LRRC41: variants seen among roughly 807,000 people sequenced by gnomAD.
LRRC41 encodes leucine-rich repeat-containing protein 41.
Under a neutral mutation model 72.1 loss-of-function variants are expected in LRRC41, and 17 were observed. That is an observed-to-expected ratio of 0.24 (90% confidence interval 0.16 to 0.35). The LOEUF (loss-of-function observed/expected upper bound fraction) is 0.35. Ranked by LOEUF, LRRC41 falls within the 10% of genes least tolerant of loss-of-function variation. The pLI is 1.00. For synonymous variants in LRRC41, 427 were observed against 431.0 expected, an observed-to-expected ratio of 0.99 and a Z score of 0.11; for missense variants, 759 against 1,065.0, an observed-to-expected ratio of 0.71 and a Z score of 4.00.
chr1:46,277,925 G>T lies in LRRC41; in HGVS notation c.*940C>A. 1 of 1,614,128 alleles carries T rather than the reference G, an allele frequency of 6.2e-7. No individual in the cohort carries two copies. Among genetic ancestry groups the T allele is most frequent in the South Asian group, 1.1e-5 (1 of 91,078 alleles). On this transcript the variant is annotated 3_prime_UTR_variant, in exon 10 of 10. Transcript: ENST00000617190. ...TGTAGAGCGCCACTTCTCTCTGGGC[G>T]AGTTGAAGGAGCTGTTTATCCTGGA...
intron 5 of LRRC41, 33 bp downstream of exon 5, chr1:46,281,092 T>C (rs951398305): frequency 1.2e-6 from 2 of 1,609,342 alleles, no homozygotes; most frequent in Non-Finnish European, 1.7e-6. Flanking sequence ...TACACGTGCG[T>C]GCACACACAC....
chr1:46,290,920 T>TG (rs1204458334), intron 3 of LRRC41, among the ~76,000 whole-genome samples: 1,407 of 107,624 alleles, frequency 0.013, 21 homozygotes, highest in South Asian at 0.028. Flanking sequence ...TTTCTAGTTT[T>TG]TTTTTTTTTT....
intron 4 of LRRC41, 102 bp from the exon 5 acceptor site, chr1:46,281,487 TG>T (rs2148313034): frequency 8.5e-7 from 1 of 1,174,160 alleles, no homozygotes; most frequent in East Asian, 2.5e-5. Context: ...GCAAATCTCT[TG>T]GGCTTTGGCT....
At chr1:46,289,079 CAG>C (rs1327974035) in intron 3 of LRRC41, among the ~76,000 whole-genome samples, 2 of 152,080 alleles carry the variant, frequency 1.3e-5, no homozygotes, top group Non-Finnish European at 2.9e-5. Context: ...ATAAGAGGCA[CAG>C]GGGAAATATA....
At chr1:46,287,404 G>A (rs1660908238) in intron 3 of LRRC41, among the ~76,000 whole-genome samples, 1 of 152,128 alleles carries the variant, frequency 6.6e-6, no homozygotes, top group Admixed American at 6.5e-5. Flanking sequence ...CACCACGCCT[G>A]GCCTCCAACT....
In LRRC41 at chr1:46,302,125, G is replaced by T; in HGVS notation, c.199+999C>A. The T allele has an allele frequency of 1.0e-6, 1 of 985,092 alleles. No homozygotes were observed. The highest frequency in any genetic ancestry group is 1.2e-6 in the Non-Finnish European group (1 of 829,816). The allele number at this position is 985,092 out of a possible 1,614,324, so 61.0% of individuals were successfully genotyped here. ...CCCGGCCGTTCATCCCGGCGCCCCA[G>T]GCCGCCCTCCATCCAGGCCCGGCCC... On this transcript the variant is annotated intron_variant, in intron 1 of 9. Transcript: ENST00000617190. The surrounding 1 kb of genome is among the most constrained non-coding windows in gnomAD (Gnocchi z 4.7).
intron 1 of LRRC41, 57 bp downstream of exon 1, chr1:46,303,067 G>C (rs1046984349): frequency 4.8e-5 from 62 of 1,291,332 alleles, no homozygotes; most frequent in Non-Finnish European, 5.4e-5. Context: ...CGCGCCCCCC[G>C]GCCGCTGGGC....
At position 46,278,586 on chromosome 1, in the gene LRRC41, G is replaced by C; in HGVS notation, c.*279C>G. On this transcript the variant is annotated 3_prime_UTR_variant, in exon 10 of 10. Transcript: ENST00000617190. ...GCAGGAACCCAGGGGCAGGGGAGGG[G>C]ATCTCTTCAGCAATTATGATGACCA... 3.3e-6 allele frequency: 2 copies of C among 607,120 alleles called. No individual in the cohort carries two copies. Among genetic ancestry groups the C allele is most frequent in the Non-Finnish European group, 5.8e-6 (2 of 345,302 alleles). 37.6% of individuals were successfully genotyped at this position (607,120 alleles called of 1,614,324 possible).
At position 46,279,568 on chromosome 1, in the gene LRRC41, T is replaced by G; in HGVS notation, c.2067A>C (p.Gln689His). Residue 689 changes from glutamine to histidine, a missense_variant, in exon 8 of 10, where the codon CAA becomes CAC. Physicochemically the swap from Gln to His is conservative, Grantham distance 24. Coordinates refer to ENST00000617190, the MANE Select transcript of LRRC41 (RefSeq NM_006369.5). The surrounding 1 kb of genome is among the most constrained non-coding windows in gnomAD (Gnocchi z 4.5). ...TAGCAGCAACCATCTCAGGCAGAAA[T>G]TGGGCTGGGCGCTTCTCAAACAGAC... ...FCRLFEKRPA[Q>H]FLPEMVAAMK... 6.2e-7 allele frequency: 1 copy of G among 1,614,108 alleles called. No homozygotes were observed. Among genetic ancestry groups the G allele is most frequent in the Non-Finnish European group, 8.5e-7 (1 of 1,180,006 alleles).
intron 3 of LRRC41, among the ~76,000 whole-genome samples, chr1:46,289,168 A>G (rs1351778447): frequency 1.3e-5 from 2 of 152,208 alleles, no homozygotes; most frequent in Non-Finnish European, 2.9e-5. Flanking sequence ...AATATTTGGA[A>G]CACCCCAGAC....
chr1:46,290,055 TATATTTTGTTC>T (rs1660975065), intron 3 of LRRC41, among the ~76,000 whole-genome samples: 1 of 152,170 alleles, frequency 6.6e-6, no homozygotes, highest in Non-Finnish European at 1.5e-5. Context: ...ATTCAGAAAC[TATATTTTGTTC>T]ATTATTTTGC....
At chr1:46,291,024 A>T (rs909768842) in intron 3 of LRRC41, among the ~76,000 whole-genome samples, 7 of 145,022 alleles carry the variant, frequency 4.8e-5, no homozygotes, top group Non-Finnish European at 1.0e-4. Context: ...TCCCAGGTTC[A>T]AGCTATTCTC....
At position 46,277,551 on chromosome 1, in the gene LRRC41, A is replaced by T; in HGVS notation, c.*1314T>A. ...AGCTGCAGCAGACAAACCTCAGTTC[A>T]CCCTGACGGGATTTAGCCAGGCCCT... On this transcript the variant is annotated 3_prime_UTR_variant, in exon 10 of 10. Transcript: ENST00000617190. 2 of 514,926 alleles carry T rather than the reference A, an allele frequency of 3.9e-6. No homozygotes were observed. The highest frequency in any genetic ancestry group is 4.2e-5 in the South Asian group (2 of 47,750). 31.9% of individuals were successfully genotyped at this position (514,926 alleles called of 1,614,324 possible). A position where few individuals can be genotyped will look rare whatever the true frequency, so the allele number is the denominator to read the frequency against.
chr1:46,299,539 C>T (rs140528737), intron 1 of LRRC41: 1 of 152,136 alleles, frequency 6.6e-6, no homozygotes, highest in African/African-American at 2.4e-5. Flanking sequence ...GTGCTTAGAC[C>T]ACTGCACTCC....
Position 46,277,905 on chromosome 1 carries a change from A to AGC in LRRC41, c.*958_*959dup. 1.2e-6 allele frequency: 2 copies of AGC among 1,614,130 alleles called. No homozygotes were observed. Among genetic ancestry groups the AGC allele is most frequent in the Admixed American group, 3.3e-5 (2 of 60,018 alleles). On this transcript the variant is annotated 3_prime_UTR_variant, in exon 10 of 10. Coordinates refer to ENST00000617190, the MANE Select transcript of LRRC41 (RefSeq NM_006369.5). ...GTGGTGGATGAGGAGCAGGATGTAG[A>AGC]GCGCCACTTCTCTCTGGGCGAGTTG...
At position 46,279,475 on chromosome 1, in the gene LRRC41, C is replaced by G. The variant is rs1225564952; in HGVS notation, c.2143+17G>C. The G allele has an allele frequency of 3.0e-5, 49 of 1,614,094 alleles. No homozygotes were observed. The highest frequency in any genetic ancestry group is 4.0e-5 in the Non-Finnish European group (47 of 1,180,058). On this transcript the variant is annotated intron_variant, in intron 8 of 9. Coordinates refer to ENST00000617190, the MANE Select transcript of LRRC41 (RefSeq NM_006369.5). This position sits in a 1 kb window ranked among gnomAD's most constrained non-coding sequence, Gnocchi z 4.5. ...CTAGCTCCTTTCCCCTCTCCCTCCC[C>G]AGGGTCTGGCCCCCACCCAGGCGGT...
At position 46,279,286 on chromosome 1, in the gene LRRC41, C is replaced by T. The variant is rs763398568; in HGVS notation, c.2144-29G>A. ...GAGAGAAGGGGAGAACGCCTATCAC[C>T]TCCACCCAAGAACAGGGGACAAGGG... On this transcript the variant is annotated intron_variant, in intron 8 of 9. Coordinates refer to ENST00000617190, the MANE Select transcript of LRRC41 (RefSeq NM_006369.5). This position sits in a 1 kb window ranked among gnomAD's most constrained non-coding sequence, Gnocchi z 4.5. 1.9e-6 allele frequency: 3 copies of T among 1,611,406 alleles called. No homozygotes were observed. Among genetic ancestry groups the T allele is most frequent in the Middle Eastern group, 1.7e-4 (1 of 6,056 alleles).
chr1:46,285,983 C>G lies in LRRC41; in HGVS notation c.874G>C (p.Asp292His). ...GCTGCAGCACATCGCTCAGCAGCAT[C>G]CCGGCGGGGCCGACGTGAGCCCAAT... is the stretch of plus-strand genomic sequence containing the variant. ...LLLGSRRPRR[D>H]AAERCAAALM... is the part of the protein sequence containing the mutation. The change falls in exon 4 of 10, where the codon GAT (aspartate) becomes CAT (histidine). Residue 292 changes from aspartate (D) to histidine (H), a missense_variant. By Grantham distance (81) the Asp-to-His change is moderately conservative. This residue lies in a region of LRRC41 where 427 missense variants were observed against 520.9 expected (regional missense o/e 0.82). Coordinates refer to ENST00000617190, the MANE Select transcript of LRRC41 (RefSeq NM_006369.5). This position sits in a 1 kb window ranked among gnomAD's most constrained non-coding sequence, Gnocchi z 5.3. 3 of 1,544,076 alleles carry G rather than the reference C, an allele frequency of 1.9e-6. No homozygotes were observed. Among genetic ancestry groups the G allele is most frequent in the Non-Finnish European group, 2.6e-6 (3 of 1,145,256 alleles).
At position 46,302,083 on chromosome 1, in the gene LRRC41, C is replaced by G. The variant is rs1426288415; in HGVS notation, c.199+1041G>C. 2.0e-6 allele frequency: 2 copies of G among 985,240 alleles called. No individual in the cohort carries two copies. Among genetic ancestry groups the G allele is most frequent in the Non-Finnish European group, 1.2e-6 (1 of 829,880 alleles). 61.0% of individuals were successfully genotyped at this position (985,240 alleles called of 1,614,324 possible). ...CCCACAGCCCCGCCTCCCAGCCCAA[C>G]TGGCCGGTTCGCCCTCCCCGGCCGT... On this transcript the variant is annotated intron_variant, in intron 1 of 9. Transcript: ENST00000617190. This position sits in a 1 kb window ranked among gnomAD's most constrained non-coding sequence, Gnocchi z 4.7.
Sources: allele counts gnomAD v4.1 joint callset (sites outside exome capture counted in the v4.1 genomes callset), GRCh38; gene constraint gnomAD v4.1.1; regional missense constraint gnomAD v4.1.1; non-coding constraint Gnocchi (gnomAD v3.1); transcripts MANE v1.5; gene names NCBI Gene and HGNC (gene_info 2026-07-23, HGNC 2026-07-21).